Variants in MEGF10 observed in about 807,000 individuals in gnomAD.
MEGF10 encodes multiple EGF like domains 10.
Under a neutral mutation model 147.5 loss-of-function variants are expected in MEGF10, and 86 were observed. That is an observed-to-expected ratio of 0.58 (90% CI 0.49 to 0.70). The LOEUF is 0.70. Among genes scored for constraint, MEGF10 ranks in the 30% least tolerant of loss-of-function variants. The pLI is 0.00. For synonymous variants in MEGF10, 478 were observed against 525.5 expected, an observed-to-expected ratio of 0.91 and a Z score of 1.24; for missense variants, 1,329 against 1,487.3, an observed-to-expected ratio of 0.89 and a Z score of 1.75.
At chr5:127,388,040 T>C (rs999883368) in intron 5 of MEGF10, among the ~76,000 whole-genome samples, 1 of 152,228 alleles carries the variant, frequency 6.6e-6, no homozygotes, top group Non-Finnish European at 1.5e-5. Flanking sequence ...ATGCCAGCCA[T>C]GTGCCAGGTA....
chr5:127,300,049 A>T (rs1235151382), intron 1 of MEGF10: 1 of 152,214 alleles, frequency 6.6e-6, no homozygotes, highest in Non-Finnish European at 1.5e-5. Context: ...TCAGAGAGGC[A>T]AGTAGCTTTA....
rs752036559 is a variant in MEGF10 at position 127,434,695 on chromosome 5, C to T, written c.1849C>T (p.Pro617Ser). The T allele has an allele frequency of 1.1e-5, 17 of 1,611,582 alleles. No individual in the cohort carries two copies. Among genetic ancestry groups the T allele is most frequent in the East Asian group, 2.2e-5 (1 of 44,702 alleles). The change falls in exon 15 of 25, where the codon CCT (proline) becomes TCT (serine). Residue 617 changes from proline to serine, a missense_variant. Physicochemically the swap from Pro to Ser is moderately conservative, Grantham distance 74. Around this residue, in one of 3 missense-constraint regions of MEGF10, gnomAD observed 980 missense variants for 1,085.9 expected, o/e 0.90. Coordinates refer to ENST00000503335, the MANE Select transcript of MEGF10 (RefSeq NM_001256545.2). ...RGTTCQRICS[P>S]GFYGHRCSQT... ...TTCCCTTCTGTTTTCAGTCTGCTCC[C>T]CTGGTTTTTATGGGCATCGCTGCAG...
intron 13 of MEGF10, among the ~76,000 whole-genome samples, chr5:127,430,837 T>G (rs568443340): frequency 2.5e-4 from 38 of 152,384 alleles, no homozygotes; most frequent in African/African-American, 8.9e-4. Context: ...AAATGCTGAC[T>G]CATTTTTTAC....
chr5:127,296,182 GTTA>G, intron 1 of MEGF10, among the ~76,000 whole-genome samples: 1 of 152,304 alleles, frequency 6.6e-6, no homozygotes, highest in East Asian at 1.9e-4. Context: ...ACAAACCAAT[GTTA>G]TTTTACTTTA....
At chr5:127,292,462 T>C (rs1463886540) in intron 1 of MEGF10, among the ~76,000 whole-genome samples, 1 of 152,238 alleles carries the variant, frequency 6.6e-6, no homozygotes, top group African/African-American at 2.4e-5. Flanking sequence ...ATCCCTCTAG[T>C]ATAGCTTCTA....
chr5:127,455,319 A>G (rs2127045308), intron 23 of MEGF10, 82 bp from the exon 24 acceptor site: 1 of 1,177,374 alleles, frequency 8.5e-7, no homozygotes, highest in Non-Finnish European at 1.2e-6. Flanking sequence ...ACCTAGCTAT[A>G]AAGAAAAACA....
At chr5:127,289,349 T>C (rs565944571), upstream of MEGF10, among the ~76,000 whole-genome samples, 1 of 152,324 alleles carries the variant, frequency 6.6e-6, no homozygotes, top group South Asian at 2.1e-4. Context: ...AAAACAGCCA[T>C]ATGGATTAAT....
intron 6 of MEGF10, among the ~76,000 whole-genome samples, chr5:127,397,753 G>C (rs576922461): frequency 3.3e-5 from 5 of 152,126 alleles, no homozygotes; most frequent in Non-Finnish European, 7.4e-5. Context: ...AATTGAACTG[G>C]GCTGTGGGAA....
At chr5:127,410,667 G>C (rs865980930) in intron 9 of MEGF10, 66 bp downstream of exon 9, 115 of 1,399,950 alleles carry the variant, frequency 8.2e-5, no homozygotes, top group South Asian at 7.2e-4. Flanking sequence ...TTCAGGATTT[G>C]GAAGGAGGGA....
intron 4 of MEGF10, among the ~76,000 whole-genome samples, chr5:127,359,542 C>G (rs1762402347): frequency 6.6e-6 from 1 of 152,102 alleles, no homozygotes; most frequent in Admixed American, 6.6e-5. Flanking sequence ...CCTATCCACC[C>G]CTCCCTGCTC....
chr5:127,445,283 G>C, intron 19 of MEGF10, 174 bp from the exon 20 acceptor site: 1 of 613,132 alleles, frequency 1.6e-6, no homozygotes, highest in Non-Finnish European at 2.9e-6. Flanking sequence ...TGGATAGGCC[G>C]ACAACATCTG....
At chr5:127,301,239 G>A (rs767358783) in intron 1 of MEGF10, among the ~76,000 whole-genome samples, 1 of 152,080 alleles carries the variant, frequency 6.6e-6, no homozygotes, top group Non-Finnish European at 1.5e-5. Context: ...ACAACCTGTC[G>A]TCCTTTTTCT....
In MEGF10 at chr5:127,402,000, G is replaced by A. The variant is rs111287281; in HGVS notation, c.781-546G>A. On this transcript the variant is annotated intron_variant, in intron 7 of 24. Coordinates refer to ENST00000503335, the MANE Select transcript of MEGF10 (RefSeq NM_001256545.2). ...TCGTTCCTGTAGAAGTCTGTCTTCG[G>A]CAATGTGATTGTTAATTCAGGTACA... 2.9e-3 allele frequency among the ~76,000 whole-genome samples: 435 copies of A among 152,298 alleles called. 1 individual carries two copies. The highest frequency in any genetic ancestry group is 9.7e-3 in the African/African-American group (402 of 41,552).
chr5:127,438,561 A>G lies in MEGF10; in HGVS notation c.2227A>G (p.Thr743Ala), dbSNP rs1423139586. ...CTPGWTGLYC[T>A]QRCPLGFYGK... ...TCCTGGCTGGACAGGGCTCTACTGC[A>G]CTCAGAGTAAGTGACAAGCCTTCTG... Residue 743 changes from threonine to alanine, a missense_variant, in exon 17 of 25, where the codon ACT becomes GCT. Transcript: ENST00000503335. 2.5e-6 allele frequency: 4 copies of G among 1,613,918 alleles called. No individual in the cohort carries two copies. The highest frequency in any genetic ancestry group is 3.3e-5 in the Admixed American group (2 of 60,014).
At chr5:127,447,385 G>C (rs1017060531) in intron 20 of MEGF10, among the ~76,000 whole-genome samples, 172 bp from the exon 21 acceptor site, 1 of 152,112 alleles carries the variant, frequency 6.6e-6, no homozygotes, top group African/African-American at 2.4e-5. Flanking sequence ...TACTGTGTTA[G>C]CCAGGATGGT....
intron 1 of MEGF10, among the ~76,000 whole-genome samples, chr5:127,311,764 A>G (rs1483237090): frequency 1.3e-5 from 2 of 152,190 alleles, no homozygotes; most frequent in South Asian, 2.1e-4. Context: ...AGGCTTGAAG[A>G]AGTCGGAGAA....
Position 127,351,470 on chromosome 5 carries a change from G to A in MEGF10, c.319+10840G>A, listed in dbSNP as rs142406488. Among the ~76,000 whole-genome samples, 338 of 151,972 alleles carry A rather than the reference G, an allele frequency of 2.2e-3. 1 individual carries two copies. The highest frequency in any genetic ancestry group is 7.9e-3 in the African/African-American group (328 of 41,436). ...TTTTACTATATTAATATATACTAAC[G>A]TTAGGCACACGTAGTTTTGCGGCTA... On this transcript the variant is annotated intron_variant, in intron 4 of 24. Transcript: ENST00000503335.
At chr5:127,400,832 TA>T (rs1199502074) in intron 7 of MEGF10, among the ~76,000 whole-genome samples, 1 of 152,178 alleles carries the variant, frequency 6.6e-6, no homozygotes, top group African/African-American at 2.4e-5. Flanking sequence ...CCAGGCCCCT[TA>T]CCTTACTTCT....
intron 21 of MEGF10, 146 bp from the exon 22 acceptor site, chr5:127,448,953 A>G: frequency 1.0e-6 from 1 of 959,394 alleles, no homozygotes; most frequent in Non-Finnish European, 1.5e-6. Flanking sequence ...CCACCAGGTT[A>G]CAAGCAGTCA....
Sources: gnomAD v4.1 joint callset for allele counts (sites outside exome capture counted in the v4.1 genomes callset) on GRCh38, gnomAD v4.1.1 for gene constraint, gnomAD v4.1.1 regional missense constraint, MANE v1.5 for transcripts, NCBI Gene and HGNC (gene_info 2026-07-23, HGNC 2026-07-21) for gene names.